The following IQGAP1 variants were observed in gnomAD, a reference collection of about 807,000 sequenced individuals.
The protein encoded by IQGAP1 is ras GTPase-activating-like protein IQGAP1.
IQGAP1 carries 66 observed loss-of-function variants against 215.6 expected under a neutral mutation model. That is an observed-to-expected ratio of 0.31 (90% CI 0.25 to 0.38). The LOEUF (loss-of-function observed/expected upper bound fraction) is 0.38. Ranked by LOEUF, IQGAP1 falls within the 10% of genes least tolerant of loss-of-function variation. The pLI is 1.00. For synonymous variants in IQGAP1, 772 were observed against 728.7 expected (o/e 1.06, Z -0.96); for missense variants, 1,712 against 1,997.1 (o/e 0.86, Z 2.72).
At chr15:90,395,581 C>G (rs746768995) in intron 2 of IQGAP1, among the ~76,000 whole-genome samples, 3 of 152,162 alleles carry the variant, frequency 2.0e-5, no homozygotes, top group Non-Finnish European at 4.4e-5. Context: ...TGGCCTCCCA[C>G]AGTGCTGGGA....
intron 5 of IQGAP1, among the ~76,000 whole-genome samples, chr15:90,434,973 A>G (rs532279539): frequency 6.2e-4 from 94 of 152,324 alleles, no homozygotes; most frequent in African/African-American, 2.2e-3. Context: ...TGCACTTCTT[A>G]TATGGCATCC....
intron 2 of IQGAP1, 169 bp downstream of exon 2, chr15:90,391,042 A>G: frequency 1.9e-6 from 1 of 532,834 alleles, no homozygotes; most frequent in Non-Finnish European, 3.4e-6. Context: ...TTGAGACCAG[A>G]TTGGGCAACA....
At chr15:90,444,289 A>AT (rs759649205) in intron 9 of IQGAP1, among the ~76,000 whole-genome samples, 17,496 of 117,286 alleles carry the variant, frequency 0.15, 1,560 homozygotes, top group Middle Eastern at 0.23. Flanking sequence ...GTATATATAT[A>AT]TTTTTTTTTT....
rs545615555 is a variant in IQGAP1 at position 90,502,044 on chromosome 15, A to G, written c.*1936A>G. ...AACAAACTCATGGCGTTGAAACCAC[A>G]CAGTTCTCATTACTGTTATTTATTA... is the stretch of plus-strand genomic sequence containing the variant. On this transcript the variant is annotated 3_prime_UTR_variant, in exon 38 of 38. Transcript: ENST00000268182. The G allele has an allele frequency of 3.9e-5, 6 of 152,790 alleles. No individual in the cohort carries two copies. In the South Asian group the frequency reaches 1.2e-3, roughly 32 times the overall value. 9.5% of individuals were successfully genotyped at this position (152,790 alleles called of 1,614,324 possible).
chr15:90,442,882 G>T (rs1176289370), intron 8 of IQGAP1, among the ~76,000 whole-genome samples: 1 of 152,136 alleles, frequency 6.6e-6, no homozygotes, highest in Admixed American at 6.5e-5. Context: ...TGAAGCAAGA[G>T]AATCACGTGA....
At position 90,429,681 on chromosome 15, in the gene IQGAP1, A is replaced by G. The variant is rs370066888; in HGVS notation, c.390+15A>G. ...GATTGCCTAAGGTAACTTACCTGAG[A>G]TAATAGTTTAGGCTTTGTTCCAGCT... On this transcript the variant is annotated intron_variant, in intron 4 of 37. Coordinates refer to ENST00000268182, the MANE Select transcript of IQGAP1 (RefSeq NM_003870.4). 3 of 1,548,508 alleles carry G rather than the reference A, an allele frequency of 1.9e-6. No individual in the cohort carries two copies. The highest frequency in any genetic ancestry group is 2.3e-5 in the East Asian group (1 of 44,078).
intron 31 of IQGAP1, chr15:90,486,557 TTG>T (rs924924591): frequency 3.0e-5 from 5 of 166,080 alleles, no homozygotes; most frequent in Non-Finnish European, 5.7e-5. Context: ...TCCTCCTGAG[TTG>T]TTTTTTTTTT....
intron 2 of IQGAP1, among the ~76,000 whole-genome samples, chr15:90,410,661 G>A (rs183707598): frequency 7.2e-6 from 1 of 138,102 alleles, no homozygotes; most frequent in East Asian, 2.4e-4. Context: ...ACAGGGTGGG[G>A]AACATCACAC....
chr15:90,408,782 A>C (rs1009910909), intron 2 of IQGAP1, among the ~76,000 whole-genome samples: 1 of 152,074 alleles, frequency 6.6e-6, no homozygotes. Context: ...ACATGCTATC[A>C]CTTAAAAAAT....
rs754652245 is a variant in IQGAP1, at chr15:90,473,904, C to T, written c.2442C>T (p.Ser814=). 3 of 1,613,786 alleles carry T rather than the reference C, an allele frequency of 1.9e-6. No individual in the cohort carries two copies. Among genetic ancestry groups the T allele is most frequent in the South Asian group, 2.2e-5 (2 of 91,036 alleles). The stretch of plus-strand genomic sequence containing the variant: ...GGATCCCTTTTCCACAGATTCAGTC[C>T]CTGGCAAGGATGCACCAAGCTCGAA... ...SHKDEVVKIQ[S]LARMHQARKR... is the part of the protein sequence containing the mutation. The change falls in exon 21 of 38, where the codon TCC becomes TCT. Residue 814 remains serine, a synonymous_variant. Transcript: ENST00000268182.
chr15:90,474,611 G>A lies in IQGAP1; in HGVS notation c.2702G>A (p.Arg901His), dbSNP rs537204733. ...KMREEVITLI[R>H]SNQQLENDLN... ...CGGGAAGAGGTTATCACCCTCATTCGTTCTAACCAGCAGCTGGAGAATGAC... is the reference window on the plus strand; with the variant it reads ...CGGGAAGAGGTTATCACCCTCATTCATTCTAACCAGCAGCTGGAGAATGAC... Residue 901 changes from arginine to histidine, a missense_variant, in exon 23 of 38, where the codon CGT becomes CAT. Coordinates refer to ENST00000268182, the MANE Select transcript of IQGAP1 (RefSeq NM_003870.4). 4.3e-6 allele frequency: 7 copies of A among 1,613,788 alleles called. No homozygotes were observed. Among genetic ancestry groups the A allele is most frequent in the East Asian group, 2.2e-5 (1 of 44,894 alleles).
At chr15:90,395,577 C>T (rs2151000988) in intron 2 of IQGAP1, among the ~76,000 whole-genome samples, 1 of 152,336 alleles carries the variant, frequency 6.6e-6, no homozygotes, top group African/African-American at 2.4e-5. Context: ...GCCTTGGCCT[C>T]CCACAGTGCT....
chr15:90,485,797 A>T (rs1016720487), intron 30 of IQGAP1, among the ~76,000 whole-genome samples: 5 of 152,212 alleles, frequency 3.3e-5, no homozygotes, highest in African/African-American at 1.2e-4. Context: ...GGTTAAGAGA[A>T]TACCAGTATT....
At chr15:90,491,186 T>G in intron 33 of IQGAP1, 147 bp from the exon 34 acceptor site, 1 of 645,736 alleles carries the variant, frequency 1.5e-6, no homozygotes, top group Non-Finnish European at 2.7e-6. Flanking sequence ...TTTTCATCTA[T>G]CATTTGGCAG....
rs1966002737 is a variant in IQGAP1, at chr15:90,477,892, A to G, written c.3329+3A>G. 2.6e-6 allele frequency: 4 copies of G among 1,557,708 alleles called. No individual in the cohort carries two copies. The highest frequency in any genetic ancestry group is 2.2e-5 in the South Asian group (2 of 89,964). ...GAGTCTCAGACAGGAGAGGCAAGGT[A>G]TGTTAACCATAATGACACTTTTCTT... On this transcript the variant is annotated splice_donor_region_variant and intron_variant, in intron 26 of 37. Transcript: ENST00000268182.
chr15:90,420,704 CA>C (rs1274639404), intron 2 of IQGAP1, among the ~76,000 whole-genome samples: 1 of 152,084 alleles, frequency 6.6e-6, no homozygotes, highest in East Asian at 1.9e-4. Flanking sequence ...TTGTGTTGGC[CA>C]GTGATTTTTC....
At position 90,419,640 on chromosome 15, in the gene IQGAP1, T is replaced by G. The variant is rs183157815; in HGVS notation, c.156-6470T>G. ...TGTTACTGAACTCTACTTGTGGTTT[T>G]GGTCGAGTCTATCATGAAGGTATGT... is the stretch of plus-strand genomic sequence containing the variant. On this transcript the variant is annotated intron_variant, in intron 2 of 37. Coordinates refer to ENST00000268182, the MANE Select transcript of IQGAP1 (RefSeq NM_003870.4). Among the ~76,000 whole-genome samples the G allele has an allele frequency of 3.9e-5, 6 of 152,368 alleles. No homozygotes were observed. In the East Asian group the frequency reaches 9.6e-4, roughly 24 times the overall value.
Position 90,473,667 on chromosome 15 carries a change from T to C in IQGAP1, c.2350-48T>C, listed in dbSNP as rs543693424. 19 of 1,352,532 alleles carry C rather than the reference T, an allele frequency of 1.4e-5. 1 individual carries two copies. Among genetic ancestry groups the C allele is most frequent in the South Asian group, 9.8e-5 (8 of 81,858 alleles). 83.8% of individuals were successfully genotyped at this position (1,352,532 alleles called of 1,614,324 possible). ...GATGAAAGTTTTTTTTTAACTTCCA[T>C]TGATGCTTGGGAAGTAATATGTCTT... On this transcript the variant is annotated intron_variant, in intron 19 of 37. Transcript: ENST00000268182.
At position 90,429,956 on chromosome 15, in the gene IQGAP1, T is replaced by C. The variant is rs115596195; in HGVS notation, c.390+290T>C. On this transcript the variant is annotated intron_variant, in intron 4 of 37. Coordinates refer to ENST00000268182, the MANE Select transcript of IQGAP1 (RefSeq NM_003870.4). ...TATTTTTCCTTAGATAGAATTCACA[T>C]GCTGTGAGATTCACCATTTTAAAGA... The C allele has an allele frequency of 4.3e-3, 905 of 211,212 alleles. 7 individuals are homozygous for C. Among genetic ancestry groups the C allele is most frequent in the African/African-American group, 0.02 (859 of 43,700 alleles). The allele number at this position is 211,212 out of a possible 1,614,324, so 13.1% of individuals were successfully genotyped here. A position where few individuals can be genotyped will look rare whatever the true frequency, so the allele number is the denominator to read the frequency against.
Sources: gnomAD v4.1 joint callset for allele counts (sites outside exome capture counted in the v4.1 genomes callset) on GRCh38, gnomAD v4.1.1 for gene constraint, MANE v1.5 for transcripts, NCBI Gene and HGNC (gene_info 2026-07-23, HGNC 2026-07-21) for gene names.